DHX36: variants seen among roughly 807,000 people sequenced by gnomAD.
DHX36 encodes the protein DEAH-box helicase 36.
A neutral mutation model predicts 139.0 loss-of-function variants in DHX36; 50 were observed. That is an observed-to-expected ratio of 0.36 (90% CI 0.29 to 0.46). The LOEUF (loss-of-function observed/expected upper bound fraction) is 0.46. Among genes scored for constraint, DHX36 ranks in the 20% least tolerant of loss-of-function variants. DHX36 has a pLI of 1.00. For synonymous variants in DHX36, 425 were observed against 401.9 expected (o/e 1.06, Z -0.69); for missense variants, 1,024 against 1,211.3 (o/e 0.85, Z 2.29).
chr3:154,292,707 CAGATATATAA>C lies in DHX36; in HGVS notation c.1671-23_1671-14del. ...ATCTATGGTAATGCTGTTTGGAAAA[CAGATATATAA>C]AATGTTAAAACACACACACACACAC... On this transcript the variant is annotated splice_polypyrimidine_tract_variant and intron_variant, in intron 14 of 24. Coordinates refer to ENST00000496811, the MANE Select transcript of DHX36 (RefSeq NM_020865.3). The C allele has an allele frequency of 6.2e-7, 1 of 1,605,678 alleles. No homozygotes were observed. The highest frequency in any genetic ancestry group is 8.5e-7 in the Non-Finnish European group (1 of 1,177,964).
In DHX36 at chr3:154,284,945, G is replaced by A. The variant is rs1362459799; in HGVS notation, c.2074C>T (p.His692Tyr). Residue 692 changes from histidine to tyrosine, a missense_variant, in exon 18 of 25, where the codon CAC (histidine) becomes TAC (tyrosine). His to Tyr is a moderately conservative substitution (Grantham distance 83, BLOSUM62 2). Coordinates refer to ENST00000496811, the MANE Select transcript of DHX36 (RefSeq NM_020865.3). ...KQEELTPLGVHLARLPVEPHI... is the reference protein window; with the variant it reads ...KQEELTPLGVYLARLPVEPHI... ...GGCTCAACGGGTAATCGTGCCAAGT[G>A]GACTCCAAGAGGTGTCAATTCTTCT... The A allele has an allele frequency of 6.2e-7, 1 of 1,614,134 alleles. No individual in the cohort carries two copies. Among genetic ancestry groups the A allele is most frequent in the Non-Finnish European group, 8.5e-7 (1 of 1,180,026 alleles).
chr3:154,315,211 C>T lies in DHX36; in HGVS notation c.438G>A (p.Lys146=). The change falls in exon 3 of 25, where the codon AAG becomes AAA. Residue 146 remains lysine, a synonymous_variant. Transcript: ENST00000496811. Reference sequence around the variant, plus strand: ...ACATTTTTTTTTCTTGATTTATCAACTTCTTTTCCTGGATGTCAAGTTTGT... The same window carrying T: ...ACATTTTTTTTTCTTGATTTATCAATTTCTTTTCCTGGATGTCAAGTTTGT... ...SENKLDIQEK[K]LINQEKKMFR... The T allele has an allele frequency of 3.7e-6, 6 of 1,613,272 alleles. No homozygotes were observed. The highest frequency in any genetic ancestry group is 5.1e-6 in the Non-Finnish European group (6 of 1,179,594).
At chr3:154,300,409 G>A (rs144512301) in intron 11 of DHX36, among the ~76,000 whole-genome samples, 185 bp downstream of exon 11, 295 of 152,292 alleles carry the variant, frequency 1.9e-3, no homozygotes, top group African/African-American at 6.6e-3. Flanking sequence ...CCATATATTT[G>A]TTTAGTCTTT....
chr3:154,285,094 G>T, intron 17 of DHX36, 107 bp from the exon 18 acceptor site: 1 of 1,135,284 alleles, frequency 8.8e-7, no homozygotes, highest in Non-Finnish European at 1.3e-6. Flanking sequence ...TCTCTTCTAA[G>T]TCCAAATGCC....
intron 20 of DHX36, among the ~76,000 whole-genome samples, chr3:154,282,949 G>A (rs1400266467): frequency 1.3e-5 from 2 of 152,096 alleles, no homozygotes; most frequent in South Asian, 2.1e-4. Flanking sequence ...TAGAATGTGG[G>A]GACAGGAACA....
At position 154,323,168 on chromosome 3, in the gene DHX36, C is replaced by G. The variant is rs111742694; in HGVS notation, c.243+1006G>C. 5.6e-3 allele frequency among the ~76,000 whole-genome samples: 852 copies of G among 152,238 alleles called. 12 individuals carry two copies. The highest frequency in any genetic ancestry group is 0.02 in the African/African-American group (813 of 41,536). ...TGGCCAACATGGTGAAACCCCGTCT[C>G]TACTAAAAATACAAAAATTAGCCGG... is the stretch of plus-strand genomic sequence containing the variant. On this transcript the variant is annotated intron_variant, in intron 1 of 24. Coordinates refer to ENST00000496811, the MANE Select transcript of DHX36 (RefSeq NM_020865.3).
intron 1 of DHX36, among the ~76,000 whole-genome samples, chr3:154,317,584 G>A (rs1487491410): frequency 6.6e-6 from 1 of 152,022 alleles, no homozygotes; most frequent in African/African-American, 2.4e-5. Flanking sequence ...CTCCTATGAA[G>A]TGAAGAAAGG....
At chr3:154,304,367 A>T (rs1194124201) in intron 8 of DHX36, among the ~76,000 whole-genome samples, 1 of 152,162 alleles carries the variant, frequency 6.6e-6, no homozygotes, top group Non-Finnish European at 1.5e-5. Context: ...GAATGATAAT[A>T]GCAACTACCT....
chr3:154,318,927 T>C (rs181627986), intron 1 of DHX36, among the ~76,000 whole-genome samples: 1 of 152,320 alleles, frequency 6.6e-6, no homozygotes, highest in Non-Finnish European at 1.5e-5. Context: ...GAGAAGTCTG[T>C]CAATGGAAGG....
At chr3:154,300,856 A>G (rs919973798) in intron 10 of DHX36, 131 bp downstream of exon 10, 2 of 1,374,738 alleles carry the variant, frequency 1.5e-6, no homozygotes, top group South Asian at 2.5e-5. Flanking sequence ...AATCAGCACA[A>G]TATTTAGCTC....
intron 15 of DHX36, among the ~76,000 whole-genome samples, chr3:154,292,133 A>G (rs778587814): frequency 2.6e-5 from 4 of 152,150 alleles, no homozygotes; most frequent in Admixed American, 6.5e-5. Flanking sequence ...TTGTACCTTA[A>G]TTTCCTTATC....
intron 3 of DHX36, among the ~76,000 whole-genome samples, chr3:154,313,948 A>G (rs1712864446): frequency 6.6e-6 from 1 of 152,180 alleles, no homozygotes; most frequent in African/African-American, 2.4e-5. Flanking sequence ...TAAATAATAT[A>G]GTACACATGA....
In DHX36 at chr3:154,276,913, TAA is replaced by T. The variant is rs1443027418; in HGVS notation, c.2689-16_2689-15del. ...ATACAAGTATATCTGTAATGAAAAT[TAA>T]AGTGAATTAATACATTCAGGAGTCT... On this transcript the variant is annotated splice_polypyrimidine_tract_variant and intron_variant, in intron 23 of 24. Coordinates refer to ENST00000496811, the MANE Select transcript of DHX36 (RefSeq NM_020865.3). 6.2e-7 allele frequency: 1 copy of T among 1,600,674 alleles called. No individual in the cohort carries two copies. Among genetic ancestry groups the T allele is most frequent in the African/African-American group, 1.3e-5 (1 of 74,082 alleles).
chr3:154,313,918 T>C (rs1712863144), intron 3 of DHX36, among the ~76,000 whole-genome samples: 1 of 152,176 alleles, frequency 6.6e-6, no homozygotes, highest in African/African-American at 2.4e-5. Flanking sequence ...TAGTCTCTTA[T>C]TCAAGGTTGT....
intron 5 of DHX36, among the ~76,000 whole-genome samples, chr3:154,307,134 C>T (rs1040481028): frequency 6.6e-6 from 1 of 152,008 alleles, no homozygotes; most frequent in Non-Finnish European, 1.5e-5. Context: ...ATATAGTCCC[C>T]ATAAAAGGGT....
At chr3:154,289,351 T>C (rs1711693674) in intron 16 of DHX36, among the ~76,000 whole-genome samples, 1 of 152,186 alleles carries the variant, frequency 6.6e-6, no homozygotes, top group Non-Finnish European at 1.5e-5. Flanking sequence ...AAGGATAACA[T>C]GTTAACATGT....
chr3:154,274,287 G>A lies in DHX36; in HGVS notation c.*1884C>T. ...CACACCACTGCACTCCAGCCTGGGTGACAGGGCAAGACACTGTCTCCAAAA... is the reference window on the plus strand; with the variant it reads ...CACACCACTGCACTCCAGCCTGGGTAACAGGGCAAGACACTGTCTCCAAAA... On this transcript the variant is annotated 3_prime_UTR_variant, in exon 25 of 25. Transcript: ENST00000496811. 5.8e-6 allele frequency: 1 copy of A among 171,114 alleles called. No homozygotes were observed. Among genetic ancestry groups the A allele is most frequent in the Non-Finnish European group, 1.2e-5 (1 of 81,650 alleles). The allele number at this position is 171,114 out of a possible 1,614,324, so 10.6% of individuals were successfully genotyped here.
Position 154,316,136 on chromosome 3 carries a change from G to A in DHX36, c.271C>T (p.Arg91Ter), listed in dbSNP as rs1186267485. ...AGTAACTGTACAATTTGTTCTTCTC[G>A]TCGTTCATCCATGTGTACTACAGCT... ...ERAVVHMDER[R>*]EEQIVQLLNS... The change falls in exon 2 of 25, where the codon CGA (arginine) becomes TGA (stop). Residue 91 changes from arginine (R) to a stop codon, truncating the protein, a stop_gained. Transcript: ENST00000496811. LOFTEE classifies it high-confidence loss of function. 2 of 1,613,024 alleles carry A rather than the reference G, an allele frequency of 1.2e-6. No homozygotes were observed. Among genetic ancestry groups the A allele is most frequent in the East Asian group, 2.2e-5 (1 of 44,798 alleles).
chr3:154,318,542 A>G (rs570414226), intron 1 of DHX36, among the ~76,000 whole-genome samples: 3 of 124,436 alleles, frequency 2.4e-5, no homozygotes, highest in Non-Finnish European at 5.4e-5. Flanking sequence ...ACTGGATAAC[A>G]TAACAGTCTA....
Sources: gnomAD v4.1 joint callset for allele counts (sites outside exome capture counted in the v4.1 genomes callset) on GRCh38, gnomAD v4.1.1 for gene constraint, MANE v1.5 for transcripts, NCBI Gene and HGNC (gene_info 2026-07-23, HGNC 2026-07-21) for gene names.